The following SUPT3H variants were observed in gnomAD, a reference collection of about 807,000 sequenced individuals.
The protein encoded by SUPT3H is transcription initiation protein SPT3 homolog.
A neutral mutation model predicts 44.3 loss-of-function variants in SUPT3H; 44 were observed. The ratio of observed to expected loss-of-function variants is 0.99; its 90% confidence interval spans 0.78 to 1.28. SUPT3H has a LOEUF of 1.28. SUPT3H is among the 50% of genes most tolerant of loss of function. The pLI is 0.00. For synonymous variants in SUPT3H, 124 were observed against 125.6 expected, an observed-to-expected ratio of 0.99 and a Z score of 0.09; for missense variants, 380 against 387.1, an observed-to-expected ratio of 0.98 and a Z score of 0.15.
At chr6:45,264,299 T>C (rs1426533482) in intron 2 of SUPT3H, among the ~76,000 whole-genome samples, 2 of 152,182 alleles carry the variant, frequency 1.3e-5, no homozygotes, top group East Asian at 3.8e-4. Flanking sequence ...TTTTAATTGT[T>C]GTGGTGTAAA....
chr6:45,043,394 T>C lies in SUPT3H; in HGVS notation c.187-22762A>G, dbSNP rs1031122861. ...ATGGGTGAGTTGTGTGTCACTGAGG[T>C]TTGGTGTATGAATGATCCAGTCACC... On this transcript the variant is annotated intron_variant, in intron 3 of 10. Coordinates refer to ENST00000371459, the MANE Select transcript of SUPT3H (RefSeq NM_003599.4). 5.3e-5 allele frequency among the ~76,000 whole-genome samples: 8 copies of C among 152,082 alleles called. 1 individual carries two copies. Among genetic ancestry groups the C allele is most frequent in the Admixed American group, 3.3e-4 (5 of 15,250 alleles).
intron 2 of SUPT3H, among the ~76,000 whole-genome samples, chr6:45,123,012 C>G (rs1239490020): frequency 6.6e-6 from 1 of 152,166 alleles, no homozygotes; most frequent in Non-Finnish European, 1.5e-5. Context: ...GGTCCAAAAG[C>G]TGACACTTAA....
intron 2 of SUPT3H, chr6:45,321,709 A>C (rs956471893): frequency 1.4e-5 from 13 of 941,910 alleles, no homozygotes; most frequent in Non-Finnish European, 2.1e-5. Context: ...TTCTCTAAAC[A>C]ATCTATTTGT....
At chr6:45,298,912 CTCA>C (rs1439671094) in intron 2 of SUPT3H, among the ~76,000 whole-genome samples, 5 of 152,136 alleles carry the variant, frequency 3.3e-5, no homozygotes, top group Non-Finnish European at 7.3e-5. Flanking sequence ...TTTTTAATTA[CTCA>C]TCAAAGAATA....
At chr6:45,368,511 G>T (rs1290120698) in intron 1 of SUPT3H, among the ~76,000 whole-genome samples, 3 of 152,050 alleles carry the variant, frequency 2.0e-5, no homozygotes, top group Admixed American at 6.6e-5. Flanking sequence ...CATGCTACTG[G>T]GTTTCTAGTT....
chr6:45,245,076 G>A (rs1771103123), intron 2 of SUPT3H, among the ~76,000 whole-genome samples: 1 of 152,038 alleles, frequency 6.6e-6, no homozygotes, highest in South Asian at 2.1e-4. Context: ...TTTTAAGATT[G>A]GTAATGCTTT....
intron 2 of SUPT3H, among the ~76,000 whole-genome samples, chr6:45,355,050 C>CT (rs1256921669): frequency 3.3e-5 from 5 of 151,956 alleles, no homozygotes; most frequent in African/African-American, 9.7e-5. Flanking sequence ...TCACAGGTCA[C>CT]TGCAGACTCA....
intron 2 of SUPT3H, among the ~76,000 whole-genome samples, chr6:45,218,677 T>C (rs1432412168): frequency 6.6e-6 from 1 of 152,206 alleles, no homozygotes; most frequent in Non-Finnish European, 1.5e-5. Context: ...GAGGTTGCGG[T>C]GAGCTGAGAT....
chr6:45,163,082 G>A (rs1478090035), intron 2 of SUPT3H, among the ~76,000 whole-genome samples: 1 of 152,122 alleles, frequency 6.6e-6, no homozygotes, highest in East Asian at 1.9e-4. Context: ...GAAGTGGGGA[G>A]ATTACATATC....
downstream of SUPT3H, among the ~76,000 whole-genome samples, chr6:44,826,269 A>G (rs964639577): frequency 6.6e-6 from 1 of 152,196 alleles, no homozygotes; most frequent in South Asian, 2.1e-4. Context: ...ACACAATTCC[A>G]CAAAAACTGC....
intron 2 of SUPT3H, among the ~76,000 whole-genome samples, chr6:45,332,400 A>G (rs1036601192): frequency 1.3e-5 from 2 of 151,758 alleles, no homozygotes; most frequent in Non-Finnish European, 2.9e-5. Flanking sequence ...AAAAAATCCA[A>G]TGGGACTATA....
At chr6:44,818,388 A>C (rs948259585) in intron 11 of SUPT3H, among the ~76,000 whole-genome samples, 2 of 152,184 alleles carry the variant, frequency 1.3e-5, no homozygotes, top group South Asian at 4.1e-4. Context: ...GGAGAAAGAA[A>C]GCCTTTGTGA....
At chr6:45,270,072 G>A (rs1775877820) in intron 2 of SUPT3H, among the ~76,000 whole-genome samples, 1 of 152,012 alleles carries the variant, frequency 6.6e-6, no homozygotes, top group African/African-American at 2.4e-5. Flanking sequence ...TCAACATAAT[G>A]TTTTTAAGTT....
intron 10 of SUPT3H, among the ~76,000 whole-genome samples, chr6:44,918,834 A>C (rs1190577968): frequency 6.6e-6 from 1 of 152,212 alleles, no homozygotes; most frequent in Admixed American, 6.5e-5. Context: ...CGCCACTGAA[A>C]TAAACACTTC....
chr6:45,233,194 G>C (rs567264933), intron 2 of SUPT3H, among the ~76,000 whole-genome samples: 6 of 152,350 alleles, frequency 3.9e-5, no homozygotes, highest in African/African-American at 1.4e-4. Flanking sequence ...CTGTGGGCTA[G>C]AGTACTGAGG....
chr6:45,017,238 G>A (rs538682667), intron 4 of SUPT3H, among the ~76,000 whole-genome samples: 9 of 149,850 alleles, frequency 6.0e-5, no homozygotes, highest in East Asian at 5.9e-4. Context: ...GTAGATTCTG[G>A]ATATTAGCCC....
At chr6:45,065,845 G>A (rs1282088126) in intron 3 of SUPT3H, among the ~76,000 whole-genome samples, 1 of 148,666 alleles carries the variant, frequency 6.7e-6, no homozygotes, top group Non-Finnish European at 1.5e-5. Context: ...AAGAGTCCAG[G>A]ACCAGATGGA....
chr6:45,112,959 T>A (rs1321535126), intron 2 of SUPT3H, among the ~76,000 whole-genome samples: 2 of 132,320 alleles, frequency 1.5e-5, no homozygotes, highest in Non-Finnish European at 3.4e-5. Context: ...TGGGAGCTAG[T>A]CACTTTTTTT....
chr6:45,367,369 T>A (rs1487333569), intron 1 of SUPT3H, among the ~76,000 whole-genome samples: 1 of 152,122 alleles, frequency 6.6e-6, no homozygotes, highest in African/African-American at 2.4e-5. Context: ...AAGCCTAAAT[T>A]TGTGCCATTG....
Sources: gnomAD v4.1 joint callset for allele counts (sites outside exome capture counted in the v4.1 genomes callset) on GRCh38, gnomAD v4.1.1 for gene constraint, MANE v1.5 for transcripts, NCBI Gene and HGNC (gene_info 2026-07-23, HGNC 2026-07-21) for gene names.